The following EIF2B3 variants were observed in gnomAD, a reference collection of about 807,000 sequenced individuals.
EIF2B3 encodes eukaryotic translation initiation factor 2B subunit gamma.
EIF2B3 carries 20 observed loss-of-function variants against 54.1 expected under a neutral mutation model. That is an observed-to-expected ratio of 0.37 (90% CI 0.26 to 0.54). The LOEUF (loss-of-function observed/expected upper bound fraction) is 0.54, where lower values mean the gene tolerates loss of function less well. Among genes scored for constraint, EIF2B3 ranks in the 20% least tolerant of loss-of-function variants. The probability of loss-of-function intolerance (pLI) is 0.86; values close to 1 mark genes in which losing one functional copy is unlikely to be tolerated. For missense variants in EIF2B3, 448 were observed against 547.8 expected (o/e 0.82, Z 1.82); for synonymous variants, 153 against 188.1 (o/e 0.81, Z 1.52).
At chr1:44,921,044 C>T (rs1183902920) in intron 5 of EIF2B3, among the ~76,000 whole-genome samples, 1 of 152,162 alleles carries the variant, frequency 6.6e-6, no homozygotes, top group East Asian at 1.9e-4. Context: ...TACAACCTTG[C>T]CAGCATTTGC....
At chr1:44,911,669 C>T (rs1005810629) in intron 5 of EIF2B3, among the ~76,000 whole-genome samples, 1 of 152,150 alleles carries the variant, frequency 6.6e-6, no homozygotes, top group Non-Finnish European at 1.5e-5. Flanking sequence ...ACCAGAGAAA[C>T]GTATGAGTCT....
chr1:44,885,393 C>T (rs1324420137), intron 6 of EIF2B3, among the ~76,000 whole-genome samples: 1 of 152,140 alleles, frequency 6.6e-6, no homozygotes, highest in African/African-American at 2.4e-5. Context: ...TTAACTGATT[C>T]AAAACAATTT....
chr1:44,935,708 T>A (rs2148937702), intron 4 of EIF2B3, among the ~76,000 whole-genome samples: 1 of 152,074 alleles, frequency 6.6e-6, no homozygotes, highest in South Asian at 2.1e-4. Flanking sequence ...ACCATGTTGG[T>A]CAGGCTGGTC....
intron 3 of EIF2B3, among the ~76,000 whole-genome samples, chr1:44,956,231 G>A (rs1024539192): frequency 2.6e-5 from 4 of 152,088 alleles, no homozygotes; most frequent in Admixed American, 2.6e-4. Context: ...GGATGAAGCT[G>A]GAAACCATCA....
At chr1:44,944,494 C>T (rs1341587471) in intron 3 of EIF2B3, among the ~76,000 whole-genome samples, 1 of 85,648 alleles carries the variant, frequency 1.2e-5, no homozygotes, top group East Asian at 3.4e-4. Context: ...GATGCTGTCT[C>T]AAAAAAAAAA....
chr1:44,985,118 C>G lies in EIF2B3; in HGVS notation c.-10+1375G>C, dbSNP rs551627555. 3.3e-5 allele frequency among the ~76,000 whole-genome samples: 5 copies of G among 152,326 alleles called. No homozygotes were observed. The South Asian group carries it at 1.0e-3, about 32-fold the overall frequency. Reference sequence around the variant, plus strand: ...ACCGCGCCCGGCCAATAATGTCCATCTTATGAGAAGCACTATATTTGTATT... The same window carrying G: ...ACCGCGCCCGGCCAATAATGTCCATGTTATGAGAAGCACTATATTTGTATT... On this transcript the variant is annotated intron_variant, in intron 1 of 11. Coordinates refer to ENST00000360403, the MANE Select transcript of EIF2B3 (RefSeq NM_020365.5).
chr1:44,920,647 T>C (rs959936030), intron 5 of EIF2B3, among the ~76,000 whole-genome samples: 5 of 152,228 alleles, frequency 3.3e-5, no homozygotes, highest in African/African-American at 1.2e-4. Context: ...GCAGTTTGTC[T>C]TTCTGAGCCT....
intron 5 of EIF2B3, among the ~76,000 whole-genome samples, chr1:44,918,042 G>A (rs1483244819): frequency 6.7e-6 from 1 of 148,160 alleles, no homozygotes. Flanking sequence ...CAAAGTGCTG[G>A]GATTACAGGC....
chr1:44,965,841 T>C (rs1009040284), intron 3 of EIF2B3, among the ~76,000 whole-genome samples: 3 of 152,040 alleles, frequency 2.0e-5, no homozygotes, highest in East Asian at 1.9e-4. Flanking sequence ...GGCTTCTCCA[T>C]GTTGGCCAGG....
At chr1:44,971,888 C>G (rs768836076) in intron 3 of EIF2B3, among the ~76,000 whole-genome samples, 3 of 152,044 alleles carry the variant, frequency 2.0e-5, no homozygotes, top group Middle Eastern at 3.4e-3. Flanking sequence ...CAAAAATTAG[C>G]TGGCCGTGGT....
chr1:44,984,256 G>A (rs779109465), intron 1 of EIF2B3, among the ~76,000 whole-genome samples: 1 of 152,078 alleles, frequency 6.6e-6, no homozygotes, highest in Non-Finnish European at 1.5e-5. Context: ...ACTTTGGGAG[G>A]CCAAGATGAG....
intron 3 of EIF2B3, among the ~76,000 whole-genome samples, chr1:44,946,929 C>A (rs1386814269): frequency 6.6e-6 from 1 of 152,154 alleles, no homozygotes; most frequent in Non-Finnish European, 1.5e-5. Context: ...TCATGTGTGA[C>A]CACAAGCCAT....
chr1:44,891,074 T>C (rs912281007), intron 6 of EIF2B3, among the ~76,000 whole-genome samples: 1 of 147,562 alleles, frequency 6.8e-6, no homozygotes, highest in African/African-American at 2.4e-5. Context: ...ATACGGTAGA[T>C]GGGAAAAAAA....
At chr1:44,962,955 TG>T (rs952051150) in intron 3 of EIF2B3, among the ~76,000 whole-genome samples, 2 of 152,038 alleles carry the variant, frequency 1.3e-5, no homozygotes, top group African/African-American at 4.8e-5. Context: ...ACCAGACAGC[TG>T]GGTGCAGTGG....
At chr1:44,924,674 C>T (rs1030337423) in intron 5 of EIF2B3, among the ~76,000 whole-genome samples, 2 of 152,348 alleles carry the variant, frequency 1.3e-5, no homozygotes, top group Middle Eastern at 3.4e-3. Flanking sequence ...GCGTGAGCCA[C>T]CATGCCTGGC....
intron 3 of EIF2B3, chr1:44,959,414 C>A (rs962734937): frequency 8.4e-6 from 4 of 477,996 alleles, no homozygotes; most frequent in Non-Finnish European, 1.6e-5. Flanking sequence ...TGGTGTCACA[C>A]ACCTGTGATC....
chr1:44,897,328 GT>G (rs1277488988), intron 6 of EIF2B3, 26 bp downstream of exon 6: 1 of 1,551,496 alleles, frequency 6.4e-7, no homozygotes, highest in African/African-American at 1.4e-5. Context: ...AGTACTGTAG[GT>G]TTGACTCTAC....
At chr1:44,867,640 G>C (rs1174732600) in intron 10 of EIF2B3, among the ~76,000 whole-genome samples, 1 of 152,018 alleles carries the variant, frequency 6.6e-6, no homozygotes, top group African/African-American at 2.4e-5. Flanking sequence ...ACCTTTCCCA[G>C]GTTTGCCGTA....
At chr1:44,901,628 A>C (rs2148917115) in intron 5 of EIF2B3, among the ~76,000 whole-genome samples, 1 of 142,374 alleles carries the variant, frequency 7.0e-6, no homozygotes, top group South Asian at 2.2e-4. Flanking sequence ...GCGTGATCAC[A>C]GCTCACTGCC....
Sources: allele counts gnomAD v4.1 joint callset (sites outside exome capture counted in the v4.1 genomes callset), GRCh38; gene constraint gnomAD v4.1.1; transcripts MANE v1.5; gene names NCBI Gene and HGNC (gene_info 2026-07-23, HGNC 2026-07-21).